The following GNAS variants were observed in gnomAD, a reference collection of about 807,000 sequenced individuals.
The protein encoded by GNAS is protein ALEX.
A neutral mutation model predicts 54.5 loss-of-function variants in GNAS; 8 were observed. The observed-to-expected ratio is 0.15, with a 90% CI of 0.09 to 0.26. The LOEUF (loss-of-function observed/expected upper bound fraction) is 0.26. Among genes scored for constraint, GNAS ranks in the 10% least tolerant of loss-of-function variants. GNAS has a pLI of 1.00. For missense variants in GNAS, 170 were observed against 529.8 expected (o/e 0.32, Z 6.67); for synonymous variants, 204 against 191.4 (o/e 1.07, Z -0.54).
upstream of GNAS, among the ~76,000 whole-genome samples, chr20:58,886,685 G>T (rs912032597): frequency 6.6e-6 from 1 of 151,914 alleles, no homozygotes; most frequent in Non-Finnish European, 1.5e-5. Flanking sequence ...AACTTTTAGG[G>T]CCTCAAGAGG....
At chr20:58,889,065 G>T, upstream of GNAS, 3 of 1,015,930 alleles carry the variant, frequency 3.0e-6, no homozygotes, top group Non-Finnish European at 3.6e-6. Context: ...CCGGTGGGCC[G>T]ATTTTTCGCG....
At chr20:58,888,262 T>G (rs1160033955), upstream of GNAS, among the ~76,000 whole-genome samples, 1 of 152,140 alleles carries the variant, frequency 6.6e-6, no homozygotes, top group Admixed American at 6.5e-5. Flanking sequence ...TTAGCCTGAT[T>G]ACCTGGCCGC....
intron 1 of GNAS, among the ~76,000 whole-genome samples, chr20:58,866,542 A>C (rs943506856): frequency 1.3e-5 from 2 of 152,214 alleles, no homozygotes; most frequent in African/African-American, 4.8e-5. Flanking sequence ...CTAAGCCCCT[A>C]ATTTGCATCT....
At chr20:58,854,456 A>G in intron 1 of GNAS, 2 of 1,578,418 alleles carry the variant, frequency 1.3e-6, no homozygotes, top group Non-Finnish European at 1.7e-6. Context: ...CAGCCCCTGC[A>G]GCCCCAGCCG....
At position 58,900,437 on chromosome 20, in the gene GNAS, TCTTC is replaced by T. The variant is rs541449995; in HGVS notation, c.257+1460_257+1463del. The T allele has an allele frequency of 2.1e-3, 424 of 198,816 alleles. 3 individuals carry two copies. The highest frequency in any genetic ancestry group is 9.2e-3 in the African/African-American group (399 of 43,406). The allele number at this position is 198,816 out of a possible 1,614,324, so 12.3% of individuals were successfully genotyped here. A position where few individuals can be genotyped will look rare whatever the true frequency, so the allele number is the denominator to read the frequency against. On this transcript the variant is annotated intron_variant, in intron 3 of 12. Transcript: ENST00000371085. Reference sequence around the variant, plus strand: ...CCCTGTATCTCGCGTCTGTCTTCTGTCTTCCTTCCTTTGTCTGTCTTTTCCCACC... The same window carrying T: ...CCCTGTATCTCGCGTCTGTCTTCTGTCTTCCTTTGTCTGTCTTTTCCCACC...
upstream of GNAS, among the ~76,000 whole-genome samples, chr20:58,887,888 A>C (rs1375822346): frequency 6.6e-6 from 1 of 152,196 alleles, no homozygotes; most frequent in Non-Finnish European, 1.5e-5. Context: ...GAAAAATAAT[A>C]TGTGGCATCT....
chr20:58,859,942 A>C (rs931136313), intron 1 of GNAS, among the ~76,000 whole-genome samples: 19 of 151,964 alleles, frequency 1.3e-4, no homozygotes, highest in African/African-American at 4.6e-4. Flanking sequence ...CTTTTACTCA[A>C]AGACTGCAAG....
intron 1 of GNAS, among the ~76,000 whole-genome samples, chr20:58,860,544 T>C (rs747368496): frequency 3.3e-5 from 5 of 152,184 alleles, no homozygotes; most frequent in Non-Finnish European, 7.4e-5. Flanking sequence ...TCCATAGTCT[T>C]TGTAGTGATT....
chr20:58,854,120 C>T, intron 1 of GNAS: 1 of 1,612,326 alleles, frequency 6.2e-7, no homozygotes, highest in Non-Finnish European at 8.5e-7. Flanking sequence ...GCAGCCCATC[C>T]CAAGAGGCTG....
chr20:58,851,275 G>C (rs909447834), intron 1 of GNAS, among the ~76,000 whole-genome samples: 5 of 152,210 alleles, frequency 3.3e-5, no homozygotes, highest in Admixed American at 6.5e-5. Context: ...CACGGTGCCT[G>C]TGGTACCCTG....
chr20:58,858,370 A>G (rs1568933174), intron 1 of GNAS, among the ~76,000 whole-genome samples: 1 of 151,024 alleles, frequency 6.6e-6, no homozygotes, highest in African/African-American at 2.4e-5. Context: ...TAAGAAATCA[A>G]AGAGAGAGAG....
At chr20:58,889,358 G>C, upstream of GNAS, 1 of 984,544 alleles carries the variant, frequency 1.0e-6, no homozygotes, top group Non-Finnish European at 1.2e-6. Context: ...TCACATGTAA[G>C]TCGGGGAGCG....
chr20:58,840,432 ACGAGACCGAGAG>A (rs1223739124), upstream of GNAS: 11 of 1,613,356 alleles, frequency 6.8e-6, no homozygotes, highest in Admixed American at 3.3e-5. The surrounding 1 kb of genome is among the most constrained non-coding windows in gnomAD (Gnocchi z 6.0). Flanking sequence ...GAGTTCGACT[ACGAGACCGAGAG>A]CGAGACCGAG....
Position 58,892,730 on chromosome 20 carries a change from A to G in GNAS, c.139+865A>G, listed in dbSNP as rs1033125264. ...TCAAATAAAATAAGACCACCCCCCA[A>G]CACCAAAAAATGGATAGAGTTAGTA... On this transcript the variant is annotated intron_variant, in intron 1 of 12. Coordinates refer to ENST00000371085, the MANE Select transcript of GNAS (RefSeq NM_000516.7). Among the ~76,000 whole-genome samples the G allele has an allele frequency of 2.0e-5, 3 of 152,102 alleles. No individual in the cohort carries two copies. In the South Asian group the frequency reaches 6.2e-4, roughly 32 times the overall value.
chr20:58,906,298 A>G (rs1041781124), intron 6 of GNAS, among the ~76,000 whole-genome samples: 1 of 152,164 alleles, frequency 6.6e-6, no homozygotes, highest in Non-Finnish European at 1.5e-5. Context: ...CTTAAAACAC[A>G]GACTTTATTG....
Position 58,909,852 on chromosome 20 carries a change from G to T in GNAS, c.839+48G>T. On this transcript the variant is annotated intron_variant, in intron 10 of 12. Transcript: ENST00000371085. This position sits in a 1 kb window ranked among gnomAD's most constrained non-coding sequence, Gnocchi z 7.3. Reference sequence around the variant, plus strand: ...CCCTGCGCTTGCCCAGGAGGCCCTGGTCTGCACTGTTTATAGAGAAGAACC... The same window carrying T: ...CCCTGCGCTTGCCCAGGAGGCCCTGTTCTGCACTGTTTATAGAGAAGAACC... 6.2e-7 allele frequency: 1 copy of T among 1,612,810 alleles called. No individual in the cohort carries two copies. Among genetic ancestry groups the T allele is most frequent in the Non-Finnish European group, 8.5e-7 (1 of 1,179,838 alleles).
intron 1 of GNAS, among the ~76,000 whole-genome samples, chr20:58,851,254 G>T (rs1211235491): frequency 6.6e-6 from 1 of 152,236 alleles, no homozygotes; most frequent in Non-Finnish European, 1.5e-5. Flanking sequence ...GGATGCAGGG[G>T]TGCAAGGATG....
chr20:58,841,995 C>T lies in GNAS; in HGVS notation c.43+1109C>T. ...CTGGGGAAAGGTGTTGGATCCGGCG[C>T]CAGTCCTTGGACGATCAGTCGTCGA... On this transcript the variant is annotated intron_variant, in intron 1 of 12. Coordinates refer to the GNAS transcript ENST00000306090. This position sits in a 1 kb window ranked among gnomAD's most constrained non-coding sequence, Gnocchi z 5.0. The T allele has an allele frequency of 1.1e-6, 1 of 931,680 alleles. No homozygotes were observed. The highest frequency in any genetic ancestry group is 1.4e-6 in the Non-Finnish European group (1 of 713,600). The allele number at this position is 931,680 out of a possible 1,614,324, so 57.7% of individuals were successfully genotyped here.
chr20:58,898,639 G>A (rs1569000844), intron 2 of GNAS: 9 of 529,300 alleles, frequency 1.7e-5, no homozygotes, highest in South Asian at 1.6e-4. Context: ...ATGCGTGTAC[G>A]TTTAGTGAAA....
Sources: allele counts gnomAD v4.1 joint callset (sites outside exome capture counted in the v4.1 genomes callset), GRCh38; gene constraint gnomAD v4.1.1; non-coding constraint Gnocchi (gnomAD v3.1); transcripts MANE v1.5; gene names NCBI Gene and HGNC (gene_info 2026-07-23, HGNC 2026-07-21).